Variants in EIF5B observed in about 807,000 individuals in gnomAD.
The protein encoded by EIF5B is eIF-5B.
A neutral mutation model predicts 147.5 loss-of-function variants in EIF5B; 47 were observed. That is an observed-to-expected ratio of 0.32 (90% confidence interval 0.25 to 0.41). The LOEUF (loss-of-function observed/expected upper bound fraction) is 0.41, where lower values mean the gene tolerates loss of function less well. EIF5B is among the 10% of genes least tolerant of loss of function. The probability of loss-of-function intolerance (pLI) is 1.00; values close to 1 mark genes in which losing one functional copy is unlikely to be tolerated. For missense variants in EIF5B, 1,064 were observed against 1,413.2 expected (o/e 0.75, Z 3.96); for synonymous variants, 455 against 456.2 (o/e 1.00, Z 0.03).
Position 99,394,707 on chromosome 2 carries a change from T to A in EIF5B, c.3090-12T>A. The A allele has an allele frequency of 6.2e-7, 1 of 1,611,234 alleles. No homozygotes were observed. Among genetic ancestry groups the A allele is most frequent in the Non-Finnish European group, 8.5e-7 (1 of 1,179,034 alleles). On this transcript the variant is annotated splice_polypyrimidine_tract_variant and intron_variant, in intron 20 of 23. Transcript: ENST00000289371. ...TTCACTGAATGGTCTTTGATGTGTT[T>A]TAACCTTTTAGGTATGCAGTAATTT... is the stretch of plus-strand genomic sequence containing the variant.
rs1229004679 is a variant in EIF5B, at chr2:99,393,200, T to C, written c.2880+102T>C. The stretch of plus-strand genomic sequence containing the variant: ...TGGTGACCAAAACTGGCTTTGTCTT[T>C]GTGAAGCCTGCCATTTCTTGGCCTC... On this transcript the variant is annotated intron_variant, in intron 18 of 23. Coordinates refer to ENST00000289371, the MANE Select transcript of EIF5B (RefSeq NM_015904.4). The C allele has an allele frequency of 1.0e-5, 11 of 1,074,198 alleles. No homozygotes were observed. In the Admixed American group the frequency reaches 3.6e-4, roughly 36 times the overall value. 66.5% of individuals were successfully genotyped at this position (1,074,198 alleles called of 1,614,324 possible).
At chr2:99,348,152 G>T (rs891118735) in intron 1 of EIF5B, among the ~76,000 whole-genome samples, 1 of 152,142 alleles carries the variant, frequency 6.6e-6, no homozygotes, top group Non-Finnish European at 1.5e-5. Flanking sequence ...AAAATAAAGG[G>T]TTAGGCTGAA....
In EIF5B at chr2:99,363,685, A is replaced by G; in HGVS notation, c.960A>G (p.Lys320=). The G allele has an allele frequency of 1.3e-6, 2 of 1,593,860 alleles. No individual in the cohort carries two copies. The highest frequency in any genetic ancestry group is 2.2e-5 in the East Asian group (1 of 44,806). ...EGDKKKKDKK[K]KKGEKEEKEK... Reference sequence around the variant, plus strand: ...ACAAAAAGAAGAAAGATAAGAAGAAAAAGAAAGGAGAAAAGGAAGAAAAAG... The same window carrying G: ...ACAAAAAGAAGAAAGATAAGAAGAAGAAGAAAGGAGAAAAGGAAGAAAAAG... The change falls in exon 5 of 24, where the codon AAA becomes AAG. Residue 320 remains lysine (K), a synonymous_variant. Transcript: ENST00000289371.
chr2:99,363,688 G>A lies in EIF5B; in HGVS notation c.963G>A (p.Lys321=). The A allele has an allele frequency of 6.3e-7, 1 of 1,594,134 alleles. No individual in the cohort carries two copies. Among genetic ancestry groups the A allele is most frequent in the South Asian group, 1.2e-5 (1 of 85,764 alleles). The change falls in exon 5 of 24, where the codon AAG becomes AAA. Residue 321 remains lysine, a synonymous_variant. Transcript: ENST00000289371. ...AAAAGAAGAAAGATAAGAAGAAAAA[G>A]AAAGGAGAAAAGGAAGAAAAAGAGA... ...GDKKKKDKKK[K]KGEKEEKEKE... is the part of the protein sequence containing the mutation.
chr2:99,363,520 C>A, intron 4 of EIF5B, 125 bp from the exon 5 acceptor site: 1 of 941,802 alleles, frequency 1.1e-6, no homozygotes, highest in Non-Finnish European at 1.6e-6. Flanking sequence ...GCCTGTAGAA[C>A]TTAGCCTGCT....
At chr2:99,382,578 G>C (rs778065888) in intron 13 of EIF5B, among the ~76,000 whole-genome samples, 2 of 152,052 alleles carry the variant, frequency 1.3e-5, no homozygotes, top group East Asian at 3.9e-4. Context: ...AATATTAGTT[G>C]GTTCTAAAAC....
rs754473039 is a variant in EIF5B at position 99,401,204 on chromosome 2, C to T, written c.*1790C>T. The T allele has an allele frequency of 1.9e-5, 25 of 1,284,712 alleles. No homozygotes were observed. Among genetic ancestry groups the T allele is most frequent in the South Asian group, 1.7e-4 (14 of 83,762 alleles). The allele number at this position is 1,284,712 out of a possible 1,614,324, so 79.6% of individuals were successfully genotyped here. On this transcript the variant is annotated 3_prime_UTR_variant, in exon 24 of 24. Transcript: ENST00000289371. ...GCAAATACCTCACAAGCACTTATGG[C>T]ACAGCTATCAGAGAGCATCAGGCTC...
rs1209302329 is a variant in EIF5B, at chr2:99,400,790, C to T, written c.*1376C>T. 6.5e-6 allele frequency: 1 copy of T among 153,112 alleles called. No individual in the cohort carries two copies. 9.5% of individuals were successfully genotyped at this position (153,112 alleles called of 1,614,324 possible). Reference sequence around the variant, plus strand: ...GAATAAGATGGTTTAGAAGCTTTACCCTTTCTTGGAACAAGTAGAATCCCG... The same window carrying T: ...GAATAAGATGGTTTAGAAGCTTTACTCTTTCTTGGAACAAGTAGAATCCCG... On this transcript the variant is annotated 3_prime_UTR_variant, in exon 24 of 24. Transcript: ENST00000289371.
At chr2:99,342,363 G>C (rs549286959) in intron 1 of EIF5B, among the ~76,000 whole-genome samples, 9 of 152,136 alleles carry the variant, frequency 5.9e-5, no homozygotes, top group African/African-American at 2.2e-4. Flanking sequence ...TTCCATTCAA[G>C]AAATATATTG....
intron 1 of EIF5B, among the ~76,000 whole-genome samples, chr2:99,347,505 GTT>G (rs939152579): frequency 7.0e-6 from 1 of 141,848 alleles, no homozygotes. Flanking sequence ...GCATTTTTCA[GTT>G]TTTTTTTTTT....
intron 4 of EIF5B, among the ~76,000 whole-genome samples, chr2:99,362,572 G>T (rs541736341): frequency 3.3e-5 from 5 of 151,708 alleles, no homozygotes; most frequent in Non-Finnish European, 7.4e-5. Context: ...GGTGGCGGGC[G>T]CCTGTAGTCC....
intron 17 of EIF5B, among the ~76,000 whole-genome samples, chr2:99,391,945 C>T (rs13389623): frequency 4.6e-5 from 7 of 150,698 alleles, no homozygotes; most frequent in African/African-American, 2.4e-5. Flanking sequence ...CTGGTCTTGA[C>T]CTCCTGGGCT....
Position 99,383,005 on chromosome 2 carries a change from C to T in EIF5B, c.2271+84C>T, listed in dbSNP as rs551865878. The T allele has an allele frequency of 2.2e-6, 3 of 1,383,952 alleles. No individual in the cohort carries two copies. In the South Asian group the frequency reaches 4.6e-5, roughly 21 times the overall value. 85.7% of individuals were successfully genotyped at this position (1,383,952 alleles called of 1,614,324 possible). A position where few individuals can be genotyped will look rare whatever the true frequency, so the allele number is the denominator to read the frequency against. On this transcript the variant is annotated intron_variant, in intron 14 of 23. Transcript: ENST00000289371. The stretch of plus-strand genomic sequence containing the variant: ...TAAAAAAAGTAGTATAATTAACTTA[C>T]AAGCATAGCTCATTTTATTGTGCTT...
intron 12 of EIF5B, among the ~76,000 whole-genome samples, chr2:99,381,416 T>C (rs1674684906): frequency 6.6e-6 from 1 of 152,132 alleles, no homozygotes; most frequent in South Asian, 2.1e-4. Context: ...ATCTGAAATG[T>C]TTTACGTTGC....
At chr2:99,352,600 C>A (rs1370778779) in intron 1 of EIF5B, among the ~76,000 whole-genome samples, 1 of 150,958 alleles carries the variant, frequency 6.6e-6, no homozygotes, top group Non-Finnish European at 1.5e-5. Flanking sequence ...CCTTAGCTTC[C>A]TGAGTAGCTG....
intron 1 of EIF5B, among the ~76,000 whole-genome samples, chr2:99,351,083 T>G (rs991214776): frequency 6.6e-6 from 1 of 152,240 alleles, no homozygotes; most frequent in Non-Finnish European, 1.5e-5. Context: ...TCCCAGCACT[T>G]TGGGAGGCCA....
At chr2:99,339,790 T>C (rs2094255763) in intron 1 of EIF5B, among the ~76,000 whole-genome samples, 1 of 152,198 alleles carries the variant, frequency 6.6e-6, no homozygotes, top group Non-Finnish European at 1.5e-5. Context: ...GTCTCATTGA[T>C]TTATAAAGAT....
intron 13 of EIF5B, 121 bp downstream of exon 13, chr2:99,382,347 T>C (rs1674707965): frequency 1.4e-6 from 1 of 701,550 alleles, no homozygotes; most frequent in African/African-American, 1.8e-5. Context: ...CACTCCACCT[T>C]TGTACCTCAT....
intron 18 of EIF5B, among the ~76,000 whole-genome samples, chr2:99,393,791 G>T (rs1258338714): frequency 6.6e-6 from 1 of 152,154 alleles, no homozygotes; most frequent in Non-Finnish European, 1.5e-5. Context: ...TGATAAACTT[G>T]TTTTACTTAT....
Sources: allele counts gnomAD v4.1 joint callset (sites outside exome capture counted in the v4.1 genomes callset), GRCh38; gene constraint gnomAD v4.1.1; transcripts MANE v1.5; gene names NCBI Gene and HGNC (gene_info 2026-07-23, HGNC 2026-07-21).